NR6A1: variants seen among roughly 807,000 people sequenced by gnomAD.
The protein encoded by NR6A1 is nuclear receptor subfamily 6 group A member 1.
Under a neutral mutation model 59.1 loss-of-function variants are expected in NR6A1, and 7 were observed. That is an observed-to-expected ratio of 0.12 (90% confidence interval 0.07 to 0.22). The LOEUF is 0.22. NR6A1 is among the 10% of genes least tolerant of loss of function. The pLI is 1.00. For missense variants in NR6A1, 468 were observed against 611.6 expected (o/e 0.77, Z 2.48); for synonymous variants, 243 against 236.1 (o/e 1.03, Z -0.27).
intron 2 of NR6A1, among the ~76,000 whole-genome samples, chr9:124,667,694 GT>G (rs1837666713): frequency 6.6e-6 from 1 of 152,174 alleles, no homozygotes; most frequent in Non-Finnish European, 1.5e-5. Context: ...TAGAAAGCAT[GT>G]CTTTCCTCTG....
At chr9:124,623,198 T>G (rs1264661424) in intron 2 of NR6A1, among the ~76,000 whole-genome samples, 1 of 152,004 alleles carries the variant, frequency 6.6e-6, no homozygotes, top group Admixed American at 6.5e-5. Context: ...GGTAGGGATA[T>G]GATGGCAAGG....
chr9:124,733,263 C>T lies in NR6A1; in HGVS notation c.142+45G>A, dbSNP rs751728660. 32 of 1,421,532 alleles carry T rather than the reference C, an allele frequency of 2.3e-5. No homozygotes were observed. The Admixed American group carries it at 5.2e-4, about 23-fold the overall frequency. 88.1% of individuals were successfully genotyped at this position (1,421,532 alleles called of 1,614,324 possible). The stretch of plus-strand genomic sequence containing the variant: ...TTATTCACTTAAAAGTGTACACACA[C>T]ATCCTTTTCTTACCAAAGAATATTG... On this transcript the variant is annotated intron_variant, in intron 2 of 9. Transcript: ENST00000487099.
chr9:124,536,682 A>T lies in NR6A1; in HGVS notation c.825-550T>A, dbSNP rs962113707. Among the ~76,000 whole-genome samples, 41 of 152,206 alleles carry T rather than the reference A, an allele frequency of 2.7e-4. 1 individual carries two copies. Among genetic ancestry groups the T allele is most frequent in the Admixed American group, 1.1e-3 (17 of 15,284 alleles). On this transcript the variant is annotated intron_variant, in intron 6 of 9. Coordinates refer to ENST00000487099, the MANE Select transcript of NR6A1 (RefSeq NM_033334.4). ...TCTGTCTAAAAAAAAAAAAAAAAGA[A>T]ATGTGTCCAATTGTCAGGGAATATG...
chr9:124,576,921 T>C (rs1434382118), intron 2 of NR6A1, among the ~76,000 whole-genome samples: 1 of 152,086 alleles, frequency 6.6e-6, no homozygotes, highest in East Asian at 1.9e-4. Context: ...CTAGCCGTGG[T>C]GGTGTATGCC....
At chr9:124,528,532 C>T (rs1428292840) in intron 7 of NR6A1, among the ~76,000 whole-genome samples, 1 of 151,954 alleles carries the variant, frequency 6.6e-6, no homozygotes, top group Non-Finnish European at 1.5e-5. Flanking sequence ...AAAACTCCAT[C>T]TTTACAAAAA....
chr9:124,704,279 C>A (rs780583705), intron 2 of NR6A1, among the ~76,000 whole-genome samples: 2 of 152,172 alleles, frequency 1.3e-5, no homozygotes, highest in African/African-American at 2.4e-5. Context: ...AGGGGTTTAT[C>A]AAATTTGTCG....
At position 124,645,561 on chromosome 9, in the gene NR6A1, A is replaced by C. The variant is rs558942092; in HGVS notation, c.142+87747T>G. Among the ~76,000 whole-genome samples, 19 of 152,338 alleles carry C rather than the reference A, an allele frequency of 1.2e-4. No individual in the cohort carries two copies. The South Asian group carries it at 1.7e-3, about 13-fold the overall frequency. On this transcript the variant is annotated intron_variant, in intron 2 of 9. Coordinates refer to ENST00000487099, the MANE Select transcript of NR6A1 (RefSeq NM_033334.4). ...TATCAGGAGAAAGAGGGGCATTACT[A>C]ATGATAAAGGAGTCAATACTCTAAG...
chr9:124,650,332 C>T (rs565474704), intron 2 of NR6A1, among the ~76,000 whole-genome samples: 25 of 151,976 alleles, frequency 1.6e-4, no homozygotes, highest in Middle Eastern at 6.8e-3. Flanking sequence ...AGCTGGGCAC[C>T]GAAAGACAAA....
In NR6A1 at chr9:124,524,889, A is replaced by AC. The variant is rs764124597; in HGVS notation, c.1202-17_1202-16insG. The AC allele has an allele frequency of 1.1e-5, 18 of 1,592,992 alleles. No individual in the cohort carries two copies. In the African/African-American group the frequency reaches 2.1e-4, roughly 18 times the overall value. ...CCCCTGATATCTGTGGAAAAAAAAA[A>AC]AACACACACACACATACAGGGAATG... On this transcript the variant is annotated splice_polypyrimidine_tract_variant and intron_variant, in intron 8 of 9. Coordinates refer to ENST00000487099, the MANE Select transcript of NR6A1 (RefSeq NM_033334.4).
intron 1 of NR6A1, among the ~76,000 whole-genome samples, chr9:124,769,313 G>A (rs1841040210): frequency 6.7e-6 from 1 of 150,278 alleles, no homozygotes; most frequent in Non-Finnish European, 1.5e-5. Context: ...GCAACATCAA[G>A]TGAAGTTAAC....
chr9:124,522,726 C>T lies in NR6A1; in HGVS notation c.1422G>A (p.Lys474=), dbSNP rs151331614. Residue 474 remains lysine (K), a synonymous_variant, in exon 10 of 10, where the codon AAG becomes AAA. Coordinates refer to ENST00000487099, the MANE Select transcript of NR6A1 (RefSeq NM_033334.4). ...CAGGTCATTCCTTGCCCACACTGGTCTTGCAGGAATGCAGCACCACCTTAA... is the reference window on the plus strand; with the variant it reads ...CAGGTCATTCCTTGCCCACACTGGTTTTGCAGGAATGCAGCACCACCTTAA... The part of the protein sequence containing the change: ...LLFKVVLHSC[K]TSVGKE The T allele has an allele frequency of 9.7e-5, 154 of 1,587,012 alleles. No individual in the cohort carries two copies. In the East Asian group the frequency reaches 3.5e-3, roughly 36 times the overall value.
intron 2 of NR6A1, among the ~76,000 whole-genome samples, chr9:124,667,867 A>G (rs1837671764): frequency 6.6e-6 from 1 of 152,240 alleles, no homozygotes; most frequent in Non-Finnish European, 1.5e-5. Flanking sequence ...AAATTTAATC[A>G]TAACTTTTTA....
intron 2 of NR6A1, among the ~76,000 whole-genome samples, chr9:124,726,754 C>T (rs1839732692): frequency 1.3e-5 from 2 of 152,170 alleles, no homozygotes; most frequent in South Asian, 2.1e-4. Flanking sequence ...TACACTAAAG[C>T]CTAGTTGAGA....
intron 2 of NR6A1, among the ~76,000 whole-genome samples, chr9:124,584,116 G>A (rs185557117): frequency 0.015 from 2,063 of 137,074 alleles, 23 homozygotes; most frequent in Admixed American, 0.025. Flanking sequence ...TTTTTTTTGA[G>A]ACAGAGTCTC....
chr9:124,588,380 T>C (rs1834995765), intron 2 of NR6A1, among the ~76,000 whole-genome samples: 1 of 151,918 alleles, frequency 6.6e-6, no homozygotes, highest in Middle Eastern at 3.2e-3. Context: ...CGATCTCCAC[T>C]CACTGCAAGC....
intron 2 of NR6A1, among the ~76,000 whole-genome samples, chr9:124,558,964 T>C (rs1489991443): frequency 6.6e-6 from 1 of 152,208 alleles, no homozygotes; most frequent in African/African-American, 2.4e-5. Flanking sequence ...GCAAAGGATT[T>C]GAAGTGTATA....
intron 2 of NR6A1, chr9:124,599,628 T>C: frequency 8.5e-7 from 1 of 1,172,624 alleles, no homozygotes; most frequent in African/African-American, 1.7e-5. Context: ...CGTCGCCGGC[T>C]CCGCGGCCTC....
chr9:124,595,445 T>G (rs1835244737), intron 2 of NR6A1, among the ~76,000 whole-genome samples: 1 of 152,188 alleles, frequency 6.6e-6, no homozygotes, highest in Non-Finnish European at 1.5e-5. Context: ...AATGTAAATT[T>G]TATCTATGTA....
chr9:124,654,913 C>CACACACACACACA (rs1837212409), intron 2 of NR6A1, among the ~76,000 whole-genome samples: 1 of 146,074 alleles, frequency 6.8e-6, no homozygotes, highest in Non-Finnish European at 1.5e-5. Flanking sequence ...CACACACACA[C>CACACACACACACA]CTGCCAAACA....
Sources: gnomAD v4.1 joint callset for allele counts (sites outside exome capture counted in the v4.1 genomes callset) on GRCh38, gnomAD v4.1.1 for gene constraint, MANE v1.5 for transcripts, NCBI Gene and HGNC (gene_info 2026-07-23, HGNC 2026-07-21) for gene names.